DCC: variants seen among roughly 807,000 people sequenced by gnomAD.
DCC encodes the protein netrin receptor DCC.
In DCC, 58 loss-of-function variants were observed where a neutral mutation model predicts 172.5. That is an observed-to-expected ratio of 0.34 (90% CI 0.27 to 0.42). The LOEUF is 0.42. DCC is among the 10% of genes least tolerant of loss of function. The pLI, the probability that DCC is intolerant of heterozygous loss-of-function variation, is 1.00. For synonymous variants in DCC, 709 were observed against 644.5 expected, an observed-to-expected ratio of 1.10 and a Z score of -1.52; for missense variants, 1,740 against 1,791.0, an observed-to-expected ratio of 0.97 and a Z score of 0.51.
At chr18:52,656,715 G>C (rs2035261593) in intron 1 of DCC, among the ~76,000 whole-genome samples, 1 of 152,068 alleles carries the variant, frequency 6.6e-6, no homozygotes, top group African/African-American at 2.4e-5. Context: ...GAGCACTCCA[G>C]GGCCTTGACT....
At chr18:52,540,112 G>A (rs2032396995) in intron 1 of DCC, among the ~76,000 whole-genome samples, 1 of 152,078 alleles carries the variant, frequency 6.6e-6, no homozygotes, top group African/African-American at 2.4e-5. Flanking sequence ...TACACTCTAG[G>A]ACATTAATAT....
At chr18:53,102,837 C>A (rs1243841091) in intron 7 of DCC, among the ~76,000 whole-genome samples, 1 of 152,020 alleles carries the variant, frequency 6.6e-6, no homozygotes. Context: ...CCATGAAGAC[C>A]CCCTTAGGAA....
intron 8 of DCC, among the ~76,000 whole-genome samples, chr18:53,161,740 G>T (rs900520844): frequency 6.6e-6 from 1 of 151,940 alleles, no homozygotes; most frequent in African/African-American, 2.4e-5. Context: ...TCATTATCAG[G>T]CCAAAATCTT....
chr18:52,964,548 G>C (rs796569626), intron 5 of DCC, among the ~76,000 whole-genome samples: 4 of 152,186 alleles, frequency 2.6e-5, no homozygotes, highest in African/African-American at 9.6e-5. Context: ...AATTGATTTA[G>C]TAGTGTTTGA....
chr18:52,967,015 C>A (rs1395949743), intron 5 of DCC, among the ~76,000 whole-genome samples: 2 of 152,122 alleles, frequency 1.3e-5, no homozygotes, highest in African/African-American at 2.4e-5. Context: ...GGTTGGCTCA[C>A]CCTATACTAA....
At position 53,411,778 on chromosome 18, in the gene DCC, T is replaced by C. The variant is rs147181030; in HGVS notation, c.3130+1132T>C. On this transcript the variant is annotated intron_variant, in intron 20 of 28. Transcript: ENST00000442544. ...GGCGGAGTAGAAGTTGGGAGGAAAG[T>C]AGGATAGAAATGAGTTCATCTTTGT... Among the ~76,000 whole-genome samples, 1,099 of 152,214 alleles carry C rather than the reference T, an allele frequency of 7.2e-3. 14 individuals carry two copies. The highest frequency in any genetic ancestry group is 0.026 in the Admixed American group (404 of 15,260).
At chr18:52,967,804 G>GA (rs1281796803) in intron 5 of DCC, among the ~76,000 whole-genome samples, 1 of 152,088 alleles carries the variant, frequency 6.6e-6, no homozygotes, top group Non-Finnish European at 1.5e-5. Flanking sequence ...TGTAACAATA[G>GA]AAAATGAAAT....
intron 8 of DCC, among the ~76,000 whole-genome samples, chr18:53,159,472 C>T (rs957307211): frequency 1.3e-5 from 2 of 152,142 alleles, no homozygotes; most frequent in Middle Eastern, 3.2e-3. Context: ...CTGGGAATCG[C>T]TCCTCACCTG....
intron 5 of DCC, among the ~76,000 whole-genome samples, chr18:53,009,458 T>C (rs1033197245): frequency 1.3e-5 from 2 of 151,958 alleles, no homozygotes; most frequent in African/African-American, 4.8e-5. Context: ...AAGTTGGTTA[T>C]GCTGAAGTGG....
intron 1 of DCC, among the ~76,000 whole-genome samples, chr18:52,505,338 T>C (rs1252864450): frequency 6.6e-6 from 1 of 152,172 alleles, no homozygotes; most frequent in African/African-American, 2.4e-5. Context: ...TTCCACAATT[T>C]TGATCTCAAG....
chr18:52,739,046 A>G (rs2036774319), intron 1 of DCC, among the ~76,000 whole-genome samples: 1 of 152,144 alleles, frequency 6.6e-6, no homozygotes, highest in Admixed American at 6.5e-5. Flanking sequence ...CTGGCAGCAC[A>G]GTAGATTTGT....
chr18:53,486,343 C>A (rs1402234330), intron 25 of DCC, among the ~76,000 whole-genome samples: 1 of 152,070 alleles, frequency 6.6e-6, no homozygotes, highest in Non-Finnish European at 1.5e-5. Context: ...CTCGACTGTC[C>A]CTCAAGAGCA....
At chr18:52,489,682 T>C (rs188795471) in intron 1 of DCC, among the ~76,000 whole-genome samples, 2 of 152,182 alleles carry the variant, frequency 1.3e-5, no homozygotes, top group Non-Finnish European at 2.9e-5. Flanking sequence ...TTGTTTAAAA[T>C]GCAAAAGATG....
intron 26 of DCC, among the ~76,000 whole-genome samples, chr18:53,488,197 C>CA (rs1228119116): frequency 2.0e-5 from 3 of 152,058 alleles, no homozygotes; most frequent in Non-Finnish European, 4.4e-5. Context: ...CAAGCCTGGC[C>CA]AATATGGTGA....
intron 12 of DCC, among the ~76,000 whole-genome samples, chr18:53,282,489 G>T (rs1816360): frequency 6.6e-6 from 1 of 152,074 alleles, no homozygotes; most frequent in South Asian, 2.1e-4. Context: ...TAATTCATAC[G>T]CAAAGAACCA....
intron 2 of DCC, among the ~76,000 whole-genome samples, chr18:52,841,428 C>A (rs917662348): frequency 6.6e-6 from 1 of 152,118 alleles, no homozygotes; most frequent in Admixed American, 6.6e-5. Flanking sequence ...ACTAAAATGT[C>A]TCTAAGTATT....
chr18:53,395,060 G>A lies in DCC; in HGVS notation c.2689-2248G>A, dbSNP rs1007385483. On this transcript the variant is annotated intron_variant, in intron 17 of 28. Coordinates refer to ENST00000442544, the MANE Select transcript of DCC (RefSeq NM_005215.4). ...AGCTACTTGGGAGGCTGAGGCATGC[G>A]AATCACTTGAACCCGAGAGGCTGAG... 4.0e-5 allele frequency among the ~76,000 whole-genome samples: 6 copies of A among 150,494 alleles called. No individual in the cohort carries two copies. In the South Asian group the frequency reaches 8.4e-4, roughly 21 times the overall value.
At chr18:52,518,741 C>T (rs1385907940) in intron 1 of DCC, among the ~76,000 whole-genome samples, 1 of 152,170 alleles carries the variant, frequency 6.6e-6, no homozygotes, top group East Asian at 1.9e-4. Context: ...TTATTAAAAC[C>T]ATTCTTTGCT....
intron 1 of DCC, among the ~76,000 whole-genome samples, chr18:52,344,669 T>C (rs1983802998): frequency 6.6e-6 from 1 of 151,802 alleles, no homozygotes; most frequent in African/African-American, 2.4e-5. Flanking sequence ...AGTGCTGAAG[T>C]TTCTGAACAG....
Sources: gnomAD v4.1 joint callset for allele counts (sites outside exome capture counted in the v4.1 genomes callset) on GRCh38, gnomAD v4.1.1 for gene constraint, MANE v1.5 for transcripts, NCBI Gene and HGNC (gene_info 2026-07-23, HGNC 2026-07-21) for gene names.